Variants in SLC1A1 observed in about 807,000 individuals in gnomAD.
SLC1A1 encodes solute carrier family 1 member 1.
Under a neutral mutation model 53.3 loss-of-function variants are expected in SLC1A1, and 43 were observed. The ratio of observed to expected loss-of-function variants is 0.81; its 90% CI spans 0.63 to 1.04. The LOEUF is 1.04. Ranked by LOEUF, SLC1A1 falls within the 50% of genes least tolerant of loss-of-function variation. The pLI, the probability that SLC1A1 is intolerant of heterozygous loss-of-function variation, is 0.00. For missense variants in SLC1A1, 748 were observed against 664.9 expected (o/e 1.12, Z -1.37); for synonymous variants, 307 against 243.2 (o/e 1.26, Z -2.44).
intron 1 of SLC1A1, among the ~76,000 whole-genome samples, chr9:4,505,936 G>A (rs1351467462): frequency 1.3e-5 from 2 of 152,218 alleles, no homozygotes; most frequent in Non-Finnish European, 2.9e-5. Flanking sequence ...CGATTCTCCT[G>A]CCTCAGCTTC....
At chr9:4,492,579 G>C (rs1022485038) in intron 1 of SLC1A1, among the ~76,000 whole-genome samples, 3 of 151,978 alleles carry the variant, frequency 2.0e-5, no homozygotes, top group Non-Finnish European at 4.4e-5. Context: ...AAGGAGGATT[G>C]CTTGAGCCCA....
At chr9:4,516,414 C>A (rs1821162575) in intron 1 of SLC1A1, among the ~76,000 whole-genome samples, 1 of 152,164 alleles carries the variant, frequency 6.6e-6, no homozygotes, top group Admixed American at 6.6e-5. Context: ...CTCTGGGAAA[C>A]AAGATGAATT....
At chr9:4,570,148 T>A (rs1387643237) in intron 6 of SLC1A1, among the ~76,000 whole-genome samples, 1 of 152,200 alleles carries the variant, frequency 6.6e-6, no homozygotes, top group East Asian at 1.9e-4. Context: ...GAAACCCACA[T>A]TCATGTCCCA....
chr9:4,524,438 T>A (rs996018929), intron 1 of SLC1A1, among the ~76,000 whole-genome samples: 5 of 152,148 alleles, frequency 3.3e-5, no homozygotes, highest in African/African-American at 1.2e-4. Context: ...ATAAAGGAAA[T>A]GCCCTTGTGC....
At chr9:4,511,873 C>A (rs1009311561) in intron 1 of SLC1A1, among the ~76,000 whole-genome samples, 4 of 152,174 alleles carry the variant, frequency 2.6e-5, no homozygotes, top group Admixed American at 1.3e-4. Context: ...TTTAGCAGGG[C>A]TGCAAGATAC....
At chr9:4,538,659 C>G (rs997725544) in intron 1 of SLC1A1, among the ~76,000 whole-genome samples, 2 of 152,150 alleles carry the variant, frequency 1.3e-5, no homozygotes, top group Non-Finnish European at 2.9e-5. Flanking sequence ...ATAGTAAATA[C>G]TTTATTTAAA....
intron 1 of SLC1A1, among the ~76,000 whole-genome samples, chr9:4,538,413 G>A (rs191503158): frequency 2.6e-4 from 40 of 152,298 alleles, no homozygotes; most frequent in African/African-American, 7.9e-4. Flanking sequence ...ATCTTTGAGC[G>A]GAGGGATAAC....
intron 1 of SLC1A1, among the ~76,000 whole-genome samples, chr9:4,538,575 G>T (rs1297537314): frequency 6.6e-6 from 1 of 152,186 alleles, no homozygotes; most frequent in Non-Finnish European, 1.5e-5. Context: ...GGATGTATTT[G>T]AGTTGATTAG....
chr9:4,491,876 A>G (rs1040806821), intron 1 of SLC1A1, among the ~76,000 whole-genome samples: 3 of 152,130 alleles, frequency 2.0e-5, no homozygotes, highest in African/African-American at 7.2e-5. Flanking sequence ...TGCTGCTCCT[A>G]AATCTCAGAA....
At chr9:4,554,084 T>C (rs1261287112) in intron 2 of SLC1A1, 1 of 152,230 alleles carries the variant, frequency 6.6e-6, no homozygotes, top group Non-Finnish European at 1.5e-5. Context: ...AGTCATCAAG[T>C]AGGTGGGACC....
chr9:4,537,160 T>C (rs1028878625), intron 1 of SLC1A1, among the ~76,000 whole-genome samples: 33 of 152,026 alleles, frequency 2.2e-4, no homozygotes, highest in African/African-American at 7.7e-4. Context: ...AACCTGCACA[T>C]TGTGCACATG....
rs1271066004 is a variant in SLC1A1 at position 4,583,880 on chromosome 9, T to TCTCTCTCTCA, written c.1328+711_1328+712insTCTCTCACTC. On this transcript the variant is annotated intron_variant, in intron 11 of 11. Transcript: ENST00000262352. This position sits in a 1 kb window ranked among gnomAD's most constrained non-coding sequence, Gnocchi z 4.6. The stretch of plus-strand genomic sequence containing the variant: ...CTCTCTCTCTCTCTCTCTCTCTCTC[T>TCTCTCTCTCA]CTCACACACACACACACACACACAC... Among the ~76,000 whole-genome samples, 1 of 131,662 alleles carries TCTCTCTCTCA rather than the reference T, an allele frequency of 7.6e-6. No individual in the cohort carries two copies. The highest frequency in any genetic ancestry group is 1.5e-5 in the Non-Finnish European group (1 of 64,734). The allele number at this position is 131,662 out of a possible 152,430, so 86.4% of individuals were successfully genotyped here.
At chr9:4,541,792 G>C (rs1817033252) in intron 1 of SLC1A1, among the ~76,000 whole-genome samples, 2 of 152,142 alleles carry the variant, frequency 1.3e-5, no homozygotes, top group Non-Finnish European at 2.9e-5. Context: ...GGCCTTACCA[G>C]GTGGGCCTGG....
intron 1 of SLC1A1, among the ~76,000 whole-genome samples, chr9:4,498,806 A>AT (rs1820530234): frequency 6.7e-6 from 1 of 149,932 alleles, no homozygotes; most frequent in African/African-American, 2.4e-5. Flanking sequence ...ATCTGCAAAA[A>AT]AATATATATA....
In SLC1A1 at chr9:4,537,460, G is replaced by A. The variant is rs1268204620; in HGVS notation, c.92-7107G>A. Among the ~76,000 whole-genome samples, 3 of 100,178 alleles carry A rather than the reference G, an allele frequency of 3.0e-5. 1 individual carries two copies. Among genetic ancestry groups the A allele is most frequent in the African/African-American group, 3.8e-5 (1 of 26,260 alleles). The allele number at this position is 100,178 out of a possible 152,430, so 65.7% of individuals were successfully genotyped here. ...TGTAGTCCCAGCTACTCGGGAGGCTGAGGCAGGAGAATGGCGTGAACCCGG... is the reference window on the plus strand; with the variant it reads ...TGTAGTCCCAGCTACTCGGGAGGCTAAGGCAGGAGAATGGCGTGAACCCGG... On this transcript the variant is annotated intron_variant, in intron 1 of 11. Transcript: ENST00000262352.
rs141536846 is a variant in SLC1A1, at chr9:4,522,714, A to C, written c.92-21853A>C. On this transcript the variant is annotated intron_variant, in intron 1 of 11. Transcript: ENST00000262352. ...TTCTTCACAAGGCAGCAGGAGAGAGAGTGTGAGCGTGTGAAGGAGGAACTG... is the reference window on the plus strand; with the variant it reads ...TTCTTCACAAGGCAGCAGGAGAGAGCGTGTGAGCGTGTGAAGGAGGAACTG... Among the ~76,000 whole-genome samples the C allele has an allele frequency of 3.1e-3, 472 of 152,298 alleles. 4 individuals carry two copies. The highest frequency in any genetic ancestry group is 0.01 in the African/African-American group (416 of 41,556).
intron 11 of SLC1A1, among the ~76,000 whole-genome samples, chr9:4,585,059 T>A (rs1376491083): frequency 1.3e-5 from 2 of 152,196 alleles, no homozygotes; most frequent in Non-Finnish European, 2.9e-5. Flanking sequence ...AACGACTCTA[T>A]TCATGTTTCT....
intron 1 of SLC1A1, among the ~76,000 whole-genome samples, chr9:4,502,232 C>A (rs1318411017): frequency 2.0e-5 from 3 of 150,600 alleles, no homozygotes; most frequent in Admixed American, 6.6e-5. Flanking sequence ...ACAAATAATA[C>A]AAAAATTAAC....
intron 1 of SLC1A1, among the ~76,000 whole-genome samples, chr9:4,502,548 T>C (rs1820672751): frequency 6.6e-6 from 1 of 151,588 alleles, no homozygotes; most frequent in East Asian, 1.9e-4. Context: ...TGTACATTTA[T>C]CTCCCATTTG....
Sources: allele counts gnomAD v4.1 joint callset (sites outside exome capture counted in the v4.1 genomes callset), GRCh38; gene constraint gnomAD v4.1.1; non-coding constraint Gnocchi (gnomAD v3.1); transcripts MANE v1.5; gene names NCBI Gene and HGNC (gene_info 2026-07-23, HGNC 2026-07-21).